Variants in THSD4 observed in about 807,000 individuals in gnomAD.
THSD4 encodes thrombospondin type-1 domain-containing protein 4.
Under a neutral mutation model 119.0 loss-of-function variants are expected in THSD4, and 69 were observed. The observed-to-expected ratio is 0.58, with a 90% confidence interval of 0.48 to 0.71. The LOEUF (loss-of-function observed/expected upper bound fraction) is 0.71, where lower values mean the gene tolerates loss of function less well. Ranked by LOEUF, THSD4 falls within the 30% of genes least tolerant of loss-of-function variation. THSD4 has a pLI of 0.00. For synonymous variants in THSD4, 524 were observed against 540.4 expected (o/e 0.97, Z 0.42); for missense variants, 1,393 against 1,391.1 (o/e 1.00, Z -0.02).
chr15:71,669,380 T>G (rs1415146491), intron 8 of THSD4, among the ~76,000 whole-genome samples: 1 of 152,240 alleles, frequency 6.6e-6, no homozygotes, highest in Non-Finnish European at 1.5e-5. Flanking sequence ...ATTTCAACTC[T>G]GCTTAAATTA....
At chr15:71,412,806 ATT>A (rs2140504566) in intron 7 of THSD4, among the ~76,000 whole-genome samples, 1 of 152,328 alleles carries the variant, frequency 6.6e-6, no homozygotes, top group African/African-American at 2.4e-5. Flanking sequence ...CAGGATTGAT[ATT>A]CTCAGATTTT....
chr15:71,645,407 A>G (rs889222650), intron 7 of THSD4, among the ~76,000 whole-genome samples: 1 of 152,140 alleles, frequency 6.6e-6, no homozygotes, highest in African/African-American at 2.4e-5. Context: ...ATCAGATCTC[A>G]TGAGAACTTA....
intron 8 of THSD4, among the ~76,000 whole-genome samples, chr15:71,679,345 G>T (rs908843474): frequency 2.0e-5 from 3 of 152,212 alleles, no homozygotes; most frequent in Admixed American, 6.5e-5. Context: ...AAATATCTTG[G>T]GCTTTGCAGG....
intron 4 of THSD4, among the ~76,000 whole-genome samples, chr15:71,236,444 G>A (rs180967722): frequency 7.9e-5 from 12 of 152,350 alleles, no homozygotes; most frequent in Admixed American, 5.2e-4. Flanking sequence ...TTCTCTAGGT[G>A]TTTGATACCA....
rs537696552 is a variant in THSD4 at position 71,629,469 on chromosome 15, C to T, written c.1153-31061C>T. ...GGCCTTTCCGCAGCTGCTGGGCCTC[C>T]GTGTTCCCTGTGTCTTTCAGGCCAC... On this transcript the variant is annotated intron_variant, in intron 7 of 17. Transcript: ENST00000261862. 7.9e-5 allele frequency among the ~76,000 whole-genome samples: 12 copies of T among 152,274 alleles called. No individual in the cohort carries two copies. The East Asian group carries it at 1.9e-3, about 25-fold the overall frequency.
Position 71,742,541 on chromosome 15 carries a change from T to C in THSD4, c.1907-2565T>C, listed in dbSNP as rs528484807. ...TGACATATTTCTATTTTGATCAACATGTCCGCATATAAGGCAACCGAACTG... is the reference window on the plus strand; with the variant it reads ...TGACATATTTCTATTTTGATCAACACGTCCGCATATAAGGCAACCGAACTG... On this transcript the variant is annotated intron_variant, in intron 11 of 17. Coordinates refer to ENST00000261862, the MANE Select transcript of THSD4 (RefSeq NM_024817.3). Among the ~76,000 whole-genome samples the C allele has an allele frequency of 6.6e-5, 10 of 152,326 alleles. 1 individual carries two copies. In the South Asian group the frequency reaches 2.1e-3, roughly 32 times the overall value.
intron 6 of THSD4, among the ~76,000 whole-genome samples, chr15:71,386,966 T>G (rs1254977963): frequency 4.6e-5 from 7 of 152,346 alleles, no homozygotes; most frequent in South Asian, 2.1e-4. Context: ...GTATTTGCAT[T>G]ACACTGCTTG....
At position 71,508,822 on chromosome 15, in the gene THSD4, T is replaced by C. The variant is rs573461746; in HGVS notation, c.1152+96999T>C. On this transcript the variant is annotated intron_variant, in intron 7 of 17. Transcript: ENST00000261862. The stretch of plus-strand genomic sequence containing the variant: ...TTCTCCATGCATTACAAAAATTCTG[T>C]GTAAGTTTTAATAGCTACCTAAAAT... Among the ~76,000 whole-genome samples, 32 of 149,512 alleles carry C rather than the reference T, an allele frequency of 2.1e-4. 1 individual carries two copies. The South Asian group carries it at 6.4e-3, about 30-fold the overall frequency.
chr15:71,602,531 C>T (rs1210512324), intron 7 of THSD4, among the ~76,000 whole-genome samples: 4 of 49,070 alleles, frequency 8.2e-5, no homozygotes, highest in Non-Finnish European at 1.5e-4. Flanking sequence ...CCAGCCTGGA[C>T]AATAAGAGTG....
chr15:71,115,157 G>A (rs1244112197), upstream of THSD4: 1 of 152,364 alleles, frequency 6.6e-6, no homozygotes, highest in Non-Finnish European at 1.5e-5. This position sits in a 1 kb window ranked among gnomAD's most constrained non-coding sequence, Gnocchi z 4.4. Context: ...CGGAATTCAG[G>A]GCCTGGTCTC....
chr15:71,754,472 A>G (rs2053503606), intron 14 of THSD4, among the ~76,000 whole-genome samples: 1 of 147,412 alleles, frequency 6.8e-6, no homozygotes, highest in Non-Finnish European at 1.5e-5. Flanking sequence ...GGCTGAAACA[A>G]ACAAACAAAC....
At chr15:71,184,635 G>T (rs976562951) in intron 3 of THSD4, among the ~76,000 whole-genome samples, 2 of 151,688 alleles carry the variant, frequency 1.3e-5, no homozygotes, top group Admixed American at 1.3e-4. Context: ...TTAAACCCAG[G>T]CATCTGGCTG....
chr15:71,226,851 C>T (rs972374651), intron 4 of THSD4, among the ~76,000 whole-genome samples: 3 of 152,150 alleles, frequency 2.0e-5, no homozygotes, highest in Non-Finnish European at 4.4e-5. Context: ...GCCGAGAAAA[C>T]GGATACAAGT....
chr15:71,725,840 G>C (rs2052824638), intron 8 of THSD4, among the ~76,000 whole-genome samples: 1 of 151,958 alleles, frequency 6.6e-6, no homozygotes, highest in Non-Finnish European at 1.5e-5. Context: ...GGAGTGCAAT[G>C]GTGCGATCTT....
At chr15:71,097,724 A>G (rs2040236918) in intron 1 of THSD4, among the ~76,000 whole-genome samples, 2 of 133,686 alleles carry the variant, frequency 1.5e-5, no homozygotes, top group South Asian at 2.4e-4. Flanking sequence ...ATATATATAT[A>G]TATATTTTTT....
chr15:71,246,886 C>CTTTT (rs67700872), intron 5 of THSD4, among the ~76,000 whole-genome samples: 15 of 114,496 alleles, frequency 1.3e-4, no homozygotes, highest in Non-Finnish European at 1.6e-4. Context: ...GGTCCAAAGT[C>CTTTT]TTTTTTTTTT....
intron 7 of THSD4, among the ~76,000 whole-genome samples, chr15:71,450,949 G>A (rs137947244): frequency 8.6e-4 from 131 of 152,302 alleles, no homozygotes; most frequent in Middle Eastern, 6.8e-3. Flanking sequence ...AGGCCAGAGC[G>A]GATGGATTGC....
At chr15:71,114,076 C>T (rs927055426), upstream of THSD4, among the ~76,000 whole-genome samples, 7 of 152,144 alleles carry the variant, frequency 4.6e-5, no homozygotes, top group Non-Finnish European at 8.8e-5. Flanking sequence ...TCTGTTTGAT[C>T]AAGTGTGGAA....
intron 14 of THSD4, among the ~76,000 whole-genome samples, chr15:71,754,393 A>C (rs2053502288): frequency 6.6e-6 from 1 of 152,142 alleles, no homozygotes; most frequent in African/African-American, 2.4e-5. Flanking sequence ...CCTGGCCTAC[A>C]TTGTATTCTT....
Sources: gnomAD v4.1 joint callset for allele counts (sites outside exome capture counted in the v4.1 genomes callset) on GRCh38, gnomAD v4.1.1 for gene constraint, Gnocchi (gnomAD v3.1) non-coding constraint, MANE v1.5 for transcripts, NCBI Gene and HGNC (gene_info 2026-07-23, HGNC 2026-07-21) for gene names.